CNTLN: variants seen among roughly 807,000 people sequenced by gnomAD.
CNTLN encodes centlein, centrosomal protein.
Under a neutral mutation model 180.0 loss-of-function variants are expected in CNTLN, and 212 were observed. The ratio of observed to expected loss-of-function variants is 1.18; its 90% confidence interval spans 1.05 to 1.32. CNTLN has a LOEUF of 1.32. Among genes scored for constraint, CNTLN ranks in the 40% most tolerant of loss-of-function variants. The pLI, the probability that CNTLN is intolerant of heterozygous loss-of-function variation, is 0.00. For synonymous variants in CNTLN, 722 were observed against 563.1 expected, an observed-to-expected ratio of 1.28 and a Z score of -3.99; for missense variants, 2,095 against 1,610.9, an observed-to-expected ratio of 1.30 and a Z score of -5.14.
intron 2 of CNTLN, among the ~76,000 whole-genome samples, chr9:17,154,753 C>T (rs1400124207): frequency 6.6e-6 from 1 of 152,174 alleles, no homozygotes; most frequent in Non-Finnish European, 1.5e-5. Flanking sequence ...AGTCAGCACT[C>T]TGTAAAATGG....
the CNTLN span, among the ~76,000 whole-genome samples, chr9:17,522,535 T>C: frequency 6.6e-6 from 1 of 152,120 alleles, no homozygotes; most frequent in Non-Finnish European, 1.5e-5. Context: ...TGGGCTCCTA[T>C]GGGAGAAAGA....
At chr9:17,184,915 G>A (rs1055134241) in intron 2 of CNTLN, among the ~76,000 whole-genome samples, 6 of 152,162 alleles carry the variant, frequency 3.9e-5, no homozygotes, top group Non-Finnish European at 8.8e-5. Context: ...AGTGAATTAT[G>A]ATAAAAGCAA....
Position 17,275,674 on chromosome 9 carries a change from TTTC to T in CNTLN, c.983+1813_983+1815del, listed in dbSNP as rs1244392536. 1.3e-5 allele frequency among the ~76,000 whole-genome samples: 2 copies of T among 152,156 alleles called. 1 individual carries two copies. Among genetic ancestry groups the T allele is most frequent in the Non-Finnish European group, 2.9e-5 (2 of 68,014 alleles). On this transcript the variant is annotated intron_variant, in intron 6 of 25. Coordinates refer to ENST00000380647, the MANE Select transcript of CNTLN (RefSeq NM_017738.4). ...AGGACATGGGATATAACAACTATGT[TTTC>T]TTCTACATTTTGCGTGAGTTTGTAT...
chr9:17,395,397 A>G (rs1008121026), intron 15 of CNTLN, among the ~76,000 whole-genome samples: 1 of 152,154 alleles, frequency 6.6e-6, no homozygotes. Flanking sequence ...GGCCCTTTGC[A>G]TATTCACCAC....
At chr9:17,152,562 G>A (rs575343830) in intron 2 of CNTLN, among the ~76,000 whole-genome samples, 3 of 152,266 alleles carry the variant, frequency 2.0e-5, no homozygotes, top group Non-Finnish European at 4.4e-5. Context: ...CATTTGCTGA[G>A]TAGTGTTTTA....
intron 12 of CNTLN, among the ~76,000 whole-genome samples, chr9:17,366,295 GTTA>G (rs200233215): frequency 0.02 from 2,011 of 102,456 alleles, 43 homozygotes; most frequent in African/African-American, 0.064. Context: ...TGGGCTAGTT[GTTA>G]TTGTTGTTGT....
At chr9:17,256,806 T>C (rs1236952840) in intron 5 of CNTLN, among the ~76,000 whole-genome samples, 3 of 151,820 alleles carry the variant, frequency 2.0e-5, no homozygotes, top group African/African-American at 7.3e-5. Context: ...CACTGGCCTG[T>C]TTCGATATTT....
At chr9:17,153,057 A>T (rs546499529) in intron 2 of CNTLN, among the ~76,000 whole-genome samples, 3 of 152,168 alleles carry the variant, frequency 2.0e-5, no homozygotes, top group African/African-American at 7.2e-5. Flanking sequence ...GTGTCTTTGC[A>T]CATGAGATGG....
At chr9:17,444,480 T>G (rs4961441) in intron 18 of CNTLN, among the ~76,000 whole-genome samples, 11,503 of 152,240 alleles carry the variant, frequency 0.076, 1,061 homozygotes, top group East Asian at 0.26. Context: ...GCAGTACTTA[T>G]GTATTCTTTG....
chr9:17,345,241 G>A (rs1359029954), intron 12 of CNTLN, among the ~76,000 whole-genome samples: 1 of 152,108 alleles, frequency 6.6e-6, no homozygotes, highest in Non-Finnish European at 1.5e-5. Context: ...ACATTCTGTA[G>A]ACTGCCCTTT....
chr9:17,391,522 T>C lies in CNTLN; in HGVS notation c.2080-3012T>C, dbSNP rs1222621483. 2.6e-5 allele frequency among the ~76,000 whole-genome samples: 4 copies of C among 152,152 alleles called. No homozygotes were observed. The South Asian group carries it at 8.3e-4, about 32-fold the overall frequency. ...GCCAAAGTGACATACTTTGGTGTGTTGTATTCTGAGCCCCAACGTATGTAA... is the reference window on the plus strand; with the variant it reads ...GCCAAAGTGACATACTTTGGTGTGTCGTATTCTGAGCCCCAACGTATGTAA... On this transcript the variant is annotated intron_variant, in intron 14 of 25. Coordinates refer to ENST00000380647, the MANE Select transcript of CNTLN (RefSeq NM_017738.4).
intron 12 of CNTLN, among the ~76,000 whole-genome samples, chr9:17,364,303 G>C (rs1408731084): frequency 6.6e-6 from 1 of 151,912 alleles, no homozygotes; most frequent in Non-Finnish European, 1.5e-5. Flanking sequence ...TACCTCTACT[G>C]TTTTCCTTCC....
intron 5 of CNTLN, among the ~76,000 whole-genome samples, chr9:17,249,888 G>T: frequency 6.8e-6 from 1 of 146,258 alleles, no homozygotes; most frequent in South Asian, 2.3e-4. Flanking sequence ...ATGCCTTCTA[G>T]GTGTATCTAG....
intron 15 of CNTLN, among the ~76,000 whole-genome samples, chr9:17,404,610 T>C (rs1204540969): frequency 6.6e-6 from 1 of 151,962 alleles, no homozygotes; most frequent in East Asian, 1.9e-4. Context: ...GAATTCATTA[T>C]ACACCTGTTA....
chr9:17,423,858 C>G (rs1253523441), intron 18 of CNTLN, among the ~76,000 whole-genome samples: 3 of 152,092 alleles, frequency 2.0e-5, no homozygotes, highest in East Asian at 1.9e-4. Context: ...TCTCTCTCGG[C>G]TCAGTGTAGC....
chr9:17,486,228 G>C (rs535977334), intron 24 of CNTLN, among the ~76,000 whole-genome samples: 2 of 152,218 alleles, frequency 1.3e-5, no homozygotes, highest in African/African-American at 4.8e-5. Context: ...TCGAACTGTA[G>C]TAAATTCACA....
chr9:17,511,493 C>T, the CNTLN span, among the ~76,000 whole-genome samples: 1 of 152,182 alleles, frequency 6.6e-6, no homozygotes, highest in Non-Finnish European at 1.5e-5. Context: ...CTAGCTCTTC[C>T]ATATGGCTGT....
intron 15 of CNTLN, among the ~76,000 whole-genome samples, chr9:17,404,459 A>G (rs974939162): frequency 2.6e-5 from 4 of 151,684 alleles, no homozygotes; most frequent in Non-Finnish European, 5.9e-5. Context: ...TGGTCTGTAG[A>G]GGTAGACGCT....
intron 18 of CNTLN, among the ~76,000 whole-genome samples, chr9:17,445,046 G>C (rs1214934392): frequency 1.3e-5 from 2 of 151,856 alleles, no homozygotes; most frequent in Non-Finnish European, 2.9e-5. Context: ...CATTTTAAAT[G>C]GTATCAGTAA....
Sources: gnomAD v4.1 joint callset for allele counts (sites outside exome capture counted in the v4.1 genomes callset) on GRCh38, gnomAD v4.1.1 for gene constraint, MANE v1.5 for transcripts, NCBI Gene and HGNC (gene_info 2026-07-23, HGNC 2026-07-21) for gene names.